The following MARK3 variants were observed in gnomAD, a reference collection of about 807,000 sequenced individuals.
MARK3 encodes the protein MAP/microtubule affinity-regulating kinase 3.
A neutral mutation model predicts 90.1 loss-of-function variants in MARK3; 46 were observed. That is an observed-to-expected ratio of 0.51 (90% CI 0.40 to 0.65). The LOEUF (loss-of-function observed/expected upper bound fraction) is 0.65, where lower values mean the gene tolerates loss of function less well. MARK3 is among the 30% of genes least tolerant of loss of function. The probability of loss-of-function intolerance (pLI) is 0.00; values close to 1 mark genes in which losing one functional copy is unlikely to be tolerated. For missense variants in MARK3, 818 were observed against 947.2 expected (o/e 0.86, Z 1.79); for synonymous variants, 321 against 332.6 (o/e 0.97, Z 0.38).
intron 3 of MARK3, among the ~76,000 whole-genome samples, chr14:103,446,899 G>GTTAGT (rs1468718059): frequency 6.6e-6 from 1 of 151,022 alleles, no homozygotes; most frequent in Non-Finnish European, 1.5e-5. Context: ...AGATTTCTGT[G>GTTAGT]TTAGTTTAAC....
chr14:103,407,385 T>C (rs1456742740), intron 2 of MARK3, among the ~76,000 whole-genome samples: 1 of 152,074 alleles, frequency 6.6e-6, no homozygotes, highest in African/African-American at 2.4e-5. Context: ...ACTTTTCTCA[T>C]AGCGTATGTT....
chr14:103,429,206 T>C (rs1411437319), intron 3 of MARK3: 2 of 152,190 alleles, frequency 1.3e-5, no homozygotes, highest in African/African-American at 2.4e-5. Flanking sequence ...TGACCTGTAG[T>C]AGTTGAGGGG....
chr14:103,420,253 G>C (rs1000569294), intron 2 of MARK3, among the ~76,000 whole-genome samples: 1 of 151,972 alleles, frequency 6.6e-6, no homozygotes, highest in Non-Finnish European at 1.5e-5. Flanking sequence ...TTTTGAGACA[G>C]AGTCTTGCTC....
chr14:103,482,157 A>C (rs1273323337), intron 14 of MARK3, among the ~76,000 whole-genome samples: 1 of 152,124 alleles, frequency 6.6e-6, no homozygotes, highest in Non-Finnish European at 1.5e-5. Flanking sequence ...AAAGTGACTT[A>C]ATAGAAAATA....
intron 2 of MARK3, among the ~76,000 whole-genome samples, chr14:103,424,538 C>CG (rs1453995412): frequency 8.9e-5 from 1 of 11,264 alleles, no homozygotes; most frequent in African/African-American, 1.3e-4. Context: ...AAAAAAAAAA[C>CG]AAAAAAAAGA....
At chr14:103,399,104 CTA>C (rs2090773471) in intron 1 of MARK3, among the ~76,000 whole-genome samples, 2 of 152,144 alleles carry the variant, frequency 1.3e-5, no homozygotes. Context: ...AAGGGCAAAA[CTA>C]TTCTGGAACC....
At chr14:103,424,657 C>G (rs1209559779) in intron 2 of MARK3, among the ~76,000 whole-genome samples, 1 of 151,950 alleles carries the variant, frequency 6.6e-6, no homozygotes. Context: ...AGAAGAAGAA[C>G]TGGAAAGGCA....
At chr14:103,392,959 G>A (rs1168587185) in intron 1 of MARK3, among the ~76,000 whole-genome samples, 7 of 151,618 alleles carry the variant, frequency 4.6e-5, no homozygotes, top group African/African-American at 1.7e-4. Context: ...ACAGGCAGCC[G>A]CCACCACACC....
rs746523547 is a variant in MARK3, at chr14:103,446,710, C to CTTTTTTTTTTTTTTTTTTTTTTTTTTTTT, written c.298-2184_298-2183insTTTTTTTTTTTTTTTTTTTTTTTTTTTTT. ...TGGCATCCAAAGTGGAGATTGTTGT[C>CTTTTTTTTTTTTTTTTTTTTTTTTTTTTT]TTTTTTTTTTTTTTTTTTTTTTTTT... On this transcript the variant is annotated intron_variant, in intron 3 of 17. Coordinates refer to ENST00000429436, the MANE Select transcript of MARK3 (RefSeq NM_001128918.3). Among the ~76,000 whole-genome samples, 2 of 98,052 alleles carry CTTTTTTTTTTTTTTTTTTTTTTTTTTTTT rather than the reference C, an allele frequency of 2.0e-5. 1 individual carries two copies. The highest frequency in any genetic ancestry group is 1.1e-4 in the African/African-American group (2 of 18,774). The allele number at this position is 98,052 out of a possible 152,430, so 64.3% of individuals were successfully genotyped here.
intron 5 of MARK3, among the ~76,000 whole-genome samples, chr14:103,454,120 G>A (rs2093219431): frequency 6.6e-6 from 1 of 152,198 alleles, no homozygotes; most frequent in African/African-American, 2.4e-5. Context: ...CATGTGACCT[G>A]GCAAGTAACA....
intron 1 of MARK3, among the ~76,000 whole-genome samples, chr14:103,395,596 T>C (rs934890513): frequency 6.6e-6 from 1 of 152,212 alleles, no homozygotes; most frequent in African/African-American, 2.4e-5. Flanking sequence ...TTCTTCCCCT[T>C]GGTTCACTCC....
chr14:103,464,566 C>T (rs1224557265), intron 7 of MARK3, among the ~76,000 whole-genome samples: 1 of 152,098 alleles, frequency 6.6e-6, no homozygotes, highest in Non-Finnish European at 1.5e-5. Context: ...TCCCAAAGTG[C>T]TGTGATTACA....
intron 1 of MARK3, among the ~76,000 whole-genome samples, chr14:103,396,438 A>AT (rs935670212): frequency 6.6e-6 from 1 of 151,342 alleles, no homozygotes; most frequent in Non-Finnish European, 1.5e-5. Flanking sequence ...TATGCCTTAT[A>AT]TTTTTTTCCT....
chr14:103,466,564 T>C, intron 10 of MARK3, 122 bp downstream of exon 10: 2 of 641,280 alleles, frequency 3.1e-6, no homozygotes, highest in Non-Finnish European at 2.7e-6. Flanking sequence ...ATGAACAGTT[T>C]ATCTGTTCTG....
chr14:103,423,766 A>C (rs1190796059), intron 2 of MARK3, among the ~76,000 whole-genome samples: 2 of 152,232 alleles, frequency 1.3e-5, no homozygotes, highest in Non-Finnish European at 1.5e-5. Context: ...ATGTCACATC[A>C]AATGATGGTG....
At chr14:103,482,996 G>T (rs1052951038) in intron 14 of MARK3, among the ~76,000 whole-genome samples, 7 of 152,002 alleles carry the variant, frequency 4.6e-5, no homozygotes, top group African/African-American at 1.7e-4. Context: ...AATAATATTT[G>T]GACTTTCCTT....
At chr14:103,453,798 C>T (rs1011496578) in intron 5 of MARK3, among the ~76,000 whole-genome samples, 1 of 152,168 alleles carries the variant, frequency 6.6e-6, no homozygotes, top group Non-Finnish European at 1.5e-5. Flanking sequence ...TCTCCTTTGA[C>T]CTTCACAGCG....
In MARK3 at chr14:103,386,130, G is replaced by A. The variant is rs561038267; in HGVS notation, c.51+50G>A. On this transcript the variant is annotated intron_variant, in intron 1 of 17. Coordinates refer to ENST00000429436, the MANE Select transcript of MARK3 (RefSeq NM_001128918.3). ...GGCGGACCTTCGGGGTGGCATTCGT[G>A]CTCCTCGGGCAGTGCCTTGCAGTCG... 2.6e-6 allele frequency: 4 copies of A among 1,558,680 alleles called. No homozygotes were observed. In the South Asian group the frequency reaches 3.3e-5, roughly 13 times the overall value.
intron 14 of MARK3, chr14:103,489,516 G>T (rs1278708763): frequency 1.3e-5 from 2 of 152,420 alleles, no homozygotes; most frequent in African/African-American, 4.8e-5. Flanking sequence ...AGGTGTTGGG[G>T]CAAAGGCAGG....
Sources: allele counts gnomAD v4.1 joint callset (sites outside exome capture counted in the v4.1 genomes callset), GRCh38; gene constraint gnomAD v4.1.1; transcripts MANE v1.5; gene names NCBI Gene and HGNC (gene_info 2026-07-23, HGNC 2026-07-21).